The following DOK7 variants were observed in gnomAD, a reference collection of about 807,000 sequenced individuals.
The protein encoded by DOK7 is docking protein 7.
In DOK7, 32 loss-of-function variants were observed where a neutral mutation model predicts 30.7. That is an observed-to-expected ratio of 1.04 (90% CI 0.79 to 1.40). The LOEUF is 1.40. Ranked by LOEUF, DOK7 falls within the 40% of genes most tolerant of loss-of-function variation. DOK7 has a pLI of 0.00. For missense variants in DOK7, 1,007 were observed against 699.2 expected, an observed-to-expected ratio of 1.44 and a Z score of -4.97; for synonymous variants, 447 against 324.1, an observed-to-expected ratio of 1.38 and a Z score of -4.07.
intron 6 of DOK7, among the ~76,000 whole-genome samples, chr4:3,490,150 C>CATTCATT (rs1560225900): frequency 4.8e-5 from 3 of 62,846 alleles, no homozygotes; most frequent in African/African-American, 1.3e-4. Context: ...TTCCTTCCTT[C>CATTCATT]CCCACCCTGC....
rs1486310898 is a variant in DOK7 at position 3,493,859 on chromosome 4, C to T, written c.*358C>T. 4 of 1,155,804 alleles carry T rather than the reference C, an allele frequency of 3.5e-6. No homozygotes were observed. In the African/African-American group the frequency reaches 6.5e-5, roughly 19 times the overall value. The allele number at this position is 1,155,804 out of a possible 1,614,324, so 71.6% of individuals were successfully genotyped here. A position where few individuals can be genotyped will look rare whatever the true frequency, so the allele number is the denominator to read the frequency against. ...CAAGGGCTGGAGGCCCTGCCGCTGG[C>T]CTTGTCCTCCTTGGGCCTCACGCCC... On this transcript the variant is annotated 3_prime_UTR_variant, in exon 7 of 7. Transcript: ENST00000340083.
chr4:3,493,169 T>C lies in DOK7; in HGVS notation c.1183T>C (p.Tyr395His), dbSNP rs1434813975. Residue 395 changes from tyrosine (Y) to histidine (H), a missense_variant, in exon 7 of 7, where the codon TAC becomes CAC. By Grantham distance (83) the Tyr-to-His change is moderately conservative (BLOSUM62 2). Coordinates refer to ENST00000340083, the MANE Select transcript of DOK7 (RefSeq NM_173660.5). ...LCTCLPGTVE[Y>H]QVPTSLRAHY... ...CACCTGCCTGCCCGGGACAGTCGAG[T>C]ACCAGGTGCCCACCTCCCTGCGGGC... 6 of 1,607,980 alleles carry C rather than the reference T, an allele frequency of 3.7e-6. No homozygotes were observed. Among genetic ancestry groups the C allele is most frequent in the Non-Finnish European group, 5.1e-6 (6 of 1,178,332 alleles).
chr4:3,479,523 G>A (rs922909754), intron 4 of DOK7, among the ~76,000 whole-genome samples: 5 of 152,248 alleles, frequency 3.3e-5, no homozygotes, highest in Non-Finnish European at 7.3e-5. Flanking sequence ...GTTCTTGGGT[G>A]TAGGAAATCC....
At position 3,463,467 on chromosome 4, in the gene DOK7, G is replaced by C; in HGVS notation, c.54+38G>C. 7.0e-7 allele frequency: 1 copy of C among 1,432,160 alleles called. No individual in the cohort carries two copies. Among genetic ancestry groups the C allele is most frequent in the African/African-American group, 1.5e-5 (1 of 66,360 alleles). 88.7% of individuals were successfully genotyped at this position (1,432,160 alleles called of 1,614,324 possible). A position where few individuals can be genotyped will look rare whatever the true frequency, so the allele number is the denominator to read the frequency against. On this transcript the variant is annotated intron_variant, in intron 1 of 6. Transcript: ENST00000340083. ...CGGGGGCGCGGGGGGGGGGGGCGCG[G>C]GCGCGGGCGGCGGCTCACGCTCCCC...
chr4:3,491,292 C>T (rs570110804), intron 6 of DOK7, among the ~76,000 whole-genome samples: 2 of 133,564 alleles, frequency 1.5e-5, no homozygotes, highest in Non-Finnish European at 3.1e-5. Context: ...CCTCCGCCCC[C>T]CCGCTCATTC....
intron 3 of DOK7, among the ~76,000 whole-genome samples, chr4:3,473,999 C>A (rs546295466): frequency 2.1e-5 from 3 of 141,144 alleles, no homozygotes; most frequent in African/African-American, 7.6e-5. Flanking sequence ...CCAGGCTGGG[C>A]GGTCCCACCC....
chr4:3,465,656 C>T (rs921732535), intron 2 of DOK7, among the ~76,000 whole-genome samples: 10 of 152,250 alleles, frequency 6.6e-5, no homozygotes, highest in African/African-American at 2.4e-4. Context: ...AAAGGGAAAC[C>T]CTTTTATCAA....
At chr4:3,497,648 G>A (rs977454817), downstream of DOK7, among the ~76,000 whole-genome samples, 1 of 152,054 alleles carries the variant, frequency 6.6e-6, no homozygotes, top group African/African-American at 2.4e-5. Flanking sequence ...TCCCAGGCAG[G>A]TGGCACCTAC....
At chr4:3,495,817 G>T (rs905766073), downstream of DOK7, among the ~76,000 whole-genome samples, 1 of 152,180 alleles carries the variant, frequency 6.6e-6, no homozygotes, top group Non-Finnish European at 1.5e-5. Context: ...CTGGGGAGGG[G>T]CCCTCTCAGG....
chr4:3,498,329 GCGCTGCTTACAGCCCCCGTGTGA>G (rs922280363), downstream of DOK7, among the ~76,000 whole-genome samples: 3 of 152,216 alleles, frequency 2.0e-5, no homozygotes, highest in African/African-American at 7.2e-5. Context: ...TGCTGGCCCA[GCGCTGCTTACAGCCCCCGTGTGA>G]CTCCGGGTGG....
intron 6 of DOK7, 75 bp from the exon 7 acceptor site, chr4:3,492,684 T>C (rs1577181369): frequency 1.3e-6 from 2 of 1,582,746 alleles, no homozygotes; most frequent in Non-Finnish European, 1.7e-6. Context: ...CCTGTGGGGG[T>C]CCACCAGGCA....
intron 6 of DOK7, among the ~76,000 whole-genome samples, chr4:3,492,516 G>A (rs375564086): frequency 2.2e-3 from 329 of 152,230 alleles, no homozygotes; most frequent in African/African-American, 7.2e-3. Flanking sequence ...AGAGGGAGGG[G>A]CGCAGGCCGT....
chr4:3,484,214 GAAGCATCCACAGCAC>G, intron 4 of DOK7, among the ~76,000 whole-genome samples: 1 of 152,340 alleles, frequency 6.6e-6, no homozygotes, highest in Middle Eastern at 3.4e-3. Flanking sequence ...TACGTGGAAG[GAAGCATCCACAGCAC>G]AAGGTGCCGC....
downstream of DOK7, chr4:3,496,831 C>A (rs963165550): frequency 1.9e-4 from 285 of 1,535,632 alleles, 1 homozygote; most frequent in Non-Finnish European, 2.4e-4. Context: ...GAGCGGCAGC[C>A]TCAGCCCCAG....
At chr4:3,468,531 T>C (rs1001925816) in intron 2 of DOK7, among the ~76,000 whole-genome samples, 1 of 143,512 alleles carries the variant, frequency 7.0e-6, no homozygotes, top group African/African-American at 2.8e-5. Flanking sequence ...TGTGTGTGAC[T>C]GTGAGTGTAT....
At chr4:3,492,702 C>CCCCT in intron 6 of DOK7, 57 bp from the exon 7 acceptor site, 1 of 1,600,150 alleles carries the variant, frequency 6.2e-7, no homozygotes, top group Non-Finnish European at 8.5e-7. Flanking sequence ...GCATCAGCCA[C>CCCCT]GTCCTGCCCA....
rs1270843369 is a variant in DOK7, at chr4:3,493,669, G to T, written c.*168G>T. 2.1e-6 allele frequency: 3 copies of T among 1,453,418 alleles called. No homozygotes were observed. The highest frequency in any genetic ancestry group is 1.8e-6 in the Non-Finnish European group (2 of 1,102,822). 90.0% of individuals were successfully genotyped at this position (1,453,418 alleles called of 1,614,324 possible). A position where few individuals can be genotyped will look rare whatever the true frequency, so the allele number is the denominator to read the frequency against. ...GCGCGCCCTGTGGCTGCCACCGGAG[G>T]AAGGGGCTGACTTGGGGAGGTGAGT... On this transcript the variant is annotated 3_prime_UTR_variant, in exon 7 of 7. Coordinates refer to ENST00000340083, the MANE Select transcript of DOK7 (RefSeq NM_173660.5).
intron 3 of DOK7, among the ~76,000 whole-genome samples, chr4:3,474,842 G>A (rs560091627): frequency 9.2e-5 from 14 of 152,260 alleles, no homozygotes; most frequent in African/African-American, 3.4e-4. Context: ...GAGCTGGGAG[G>A]TGGAGGTTGC....
intron 2 of DOK7, among the ~76,000 whole-genome samples, chr4:3,463,883 C>T (rs1726120850): frequency 6.6e-6 from 1 of 152,154 alleles, no homozygotes. Context: ...TTGAGCTGTG[C>T]TTGTGGAAAC....
Sources: allele counts gnomAD v4.1 joint callset (sites outside exome capture counted in the v4.1 genomes callset), GRCh38; gene constraint gnomAD v4.1.1; transcripts MANE v1.5; gene names NCBI Gene and HGNC (gene_info 2026-07-23, HGNC 2026-07-21).